Variants in GATA1 observed in about 807,000 individuals in gnomAD.
GATA1 encodes erythroid transcription factor.
GATA1 carries 2 observed loss-of-function variants against 18.9 expected under a neutral mutation model. The ratio of observed to expected loss-of-function variants is 0.11; its 90% CI spans 0.04 to 0.33. GATA1 has a LOEUF of 0.33. Ranked by LOEUF, GATA1 falls within the 10% of genes least tolerant of loss-of-function variation. GATA1 has a pLI of 1.00. For missense variants in GATA1, 272 were observed against 344.7 expected, an observed-to-expected ratio of 0.79 and a Z score of 1.67; for synonymous variants, 152 against 149.1, an observed-to-expected ratio of 1.02 and a Z score of -0.14.
In GATA1 at chrX:48,794,235, CAA is replaced by C; in HGVS notation, c.*72_*73del. On this transcript the variant is annotated 3_prime_UTR_variant, in exon 6 of 6. Transcript: ENST00000376670. ...CTTGTAGCCAGAATTCTGGACAACCCAAGTCTCTGGGCCCCAGGCACCCCCTG... is the reference window on the plus strand; with the variant it reads ...CTTGTAGCCAGAATTCTGGACAACCCGTCTCTGGGCCCCAGGCACCCCCTG... The C allele has an allele frequency of 8.7e-7, 1 of 1,151,683 alleles. No individual in the cohort carries two copies. Among genetic ancestry groups the C allele is most frequent in the Non-Finnish European group, 1.2e-6 (1 of 851,434 alleles). The allele number at this position is 1,151,683 out of a possible 1,213,427, so 94.9% of individuals were successfully genotyped here.
Position 48,792,361 on chromosome X carries a change from C to T in GATA1, c.637C>T (p.Pro213Ser). Residue 213 changes from proline (P) to serine (S), a missense_variant, in exon 4 of 6, where the codon CCA becomes TCA. Physicochemically the swap from Pro to Ser is moderately conservative, Grantham distance 74. Around this residue, in one of 3 missense-constraint regions of GATA1, gnomAD observed 42 missense variants for 103.2 expected, o/e 0.41. Coordinates refer to ENST00000376670, the MANE Select transcript of GATA1 (RefSeq NM_002049.4). Reference protein sequence around the residue: ...ECVNCGATATPLWRRDRTGHY... With the variant: ...ECVNCGATATSLWRRDRTGHY... ...TGTGAACTGCGGAGCAACAGCCACT[C>T]CACTGTGGCGGAGGGACAGGACAGG... The T allele has an allele frequency of 8.3e-7, 1 of 1,211,780 alleles. No individual in the cohort carries two copies. The highest frequency in any genetic ancestry group is 1.8e-5 in the South Asian group (1 of 57,001).
Position 48,794,153 on chromosome X carries a change from C to T in GATA1, c.1231C>T (p.Leu411Phe). ...CACCAGCACTACTGTGGTGGCTCCG[C>T]TCAGCTCATGAGGGCACAGAGCATG... ...PTTSTTVVAP[L>F]SS The change falls in exon 6 of 6, where the codon CTC becomes TTC. Residue 411 changes from leucine (L) to phenylalanine (F), a missense_variant. Physicochemically the swap from Leu to Phe is conservative, Grantham distance 22. Around this residue, in one of 3 missense-constraint regions of GATA1, gnomAD observed 83 missense variants for 84.2 expected, o/e 0.99. Coordinates refer to ENST00000376670, the MANE Select transcript of GATA1 (RefSeq NM_002049.4). 2 of 1,181,888 alleles carry T rather than the reference C, an allele frequency of 1.7e-6. No homozygotes were observed. The highest frequency in any genetic ancestry group is 2.3e-6 in the Non-Finnish European group (2 of 880,317).
At position 48,791,961 on chromosome X, in the gene GATA1, G is replaced by T. The variant is rs782208453; in HGVS notation, c.338G>T (p.Arg113Leu). The change falls in exon 3 of 6, where the codon CGC (arginine) becomes CTC (leucine). Residue 113 changes from arginine (R) to leucine (L), a missense_variant. Coordinates refer to ENST00000376670, the MANE Select transcript of GATA1 (RefSeq NM_002049.4). The stretch of plus-strand genomic sequence containing the variant: ...CCTGCCTCAACTGTGTGTCCCACCC[G>T]CGAGGACTCTCCTCCCCAGGCCGTG... ...LYPASTVCPT[R>L]EDSPPQAVED... The T allele has an allele frequency of 1.5e-5, 18 of 1,209,913 alleles. No individual in the cohort carries two copies. The East Asian group carries it at 4.1e-4, about 28-fold the overall frequency.
In GATA1 at chrX:48,792,022, G is replaced by C; in HGVS notation, c.399G>C (p.Leu133=). Residue 133 remains leucine (L), a synonymous_variant, in exon 3 of 6, where the codon CTG becomes CTC. Coordinates refer to ENST00000376670, the MANE Select transcript of GATA1 (RefSeq NM_002049.4). ...ATGGAAAAGGCAGCACCAGCTTCCT[G>C]GAGACTTTGAAGACAGAGCGGCTGA... ...DLDGKGSTSF[L]ETLKTERLSP... is the part of the protein sequence containing the mutation. 1 of 1,211,872 alleles carries C rather than the reference G, an allele frequency of 8.3e-7. No individual in the cohort carries two copies. Among genetic ancestry groups the C allele is most frequent in the Non-Finnish European group, 1.1e-6 (1 of 895,463 alleles).
At chrX:48,790,162 G>A (rs926229787) in intron 1 of GATA1, among the ~76,000 whole-genome samples, 6 of 110,469 alleles carry the variant, frequency 5.4e-5, no homozygotes, top group Non-Finnish European at 1.1e-4. Context: ...ATGTAGACAG[G>A]GGAAGAGAGG....
rs982416660 is a variant in GATA1 at position 48,794,168 on chromosome X, C to T, written c.*4C>T. 3.4e-6 allele frequency: 4 copies of T among 1,184,411 alleles called. No homozygotes were observed. In the African/African-American group the frequency reaches 7.0e-5, roughly 21 times the overall value. ...GGTGGCTCCGCTCAGCTCATGAGGG[C>T]ACAGAGCATGGCCTCCAGAGGAGGG... On this transcript the variant is annotated 3_prime_UTR_variant, in exon 6 of 6. Transcript: ENST00000376670.
rs1557020162 is a variant in GATA1 at position 48,791,860 on chromosome X, A to G, written c.237A>G (p.Pro79=). 7 of 1,211,162 alleles carry G rather than the reference A, an allele frequency of 5.8e-6. No individual in the cohort carries two copies. In the Admixed American group the frequency reaches 1.1e-4, roughly 19 times the overall value. Residue 79 remains proline (P), a synonymous_variant, in exon 3 of 6, where the codon CCA becomes CCG. Coordinates refer to ENST00000376670, the MANE Select transcript of GATA1 (RefSeq NM_002049.4). The part of the protein sequence containing the change: ...YRHSPVFQVY[P]LLNCMEGIPG... ...CCCCAACAGTCTTTCAGGTGTACCCATTGCTCAACTGTATGGAGGGGATCC... is the reference window on the plus strand; with the variant it reads ...CCCCAACAGTCTTTCAGGTGTACCCGTTGCTCAACTGTATGGAGGGGATCC...
rs2147307813 is a variant in GATA1 at position 48,794,110 on chromosome X, A to C, written c.1188A>C (p.Thr396=). The C allele has an allele frequency of 8.4e-7, 1 of 1,191,554 alleles. No individual in the cohort carries two copies. The highest frequency in any genetic ancestry group is 3.0e-5 in the East Asian group (1 of 33,637). The part of the protein sequence containing the change: ...LLGSPTGSFP[T]GPMPPTTSTT... ...GCTCACCCACGGGCTCCTTCCCCAC[A>C]GGCCCCATGCCCCCCACCACCAGCA... Residue 396 remains threonine (T), a synonymous_variant, in exon 6 of 6, where the codon ACA becomes ACC. Coordinates refer to ENST00000376670, the MANE Select transcript of GATA1 (RefSeq NM_002049.4).
At chrX:48,788,865 C>T (rs1357369944) in intron 1 of GATA1, among the ~76,000 whole-genome samples, 2 of 110,392 alleles carry the variant, frequency 1.8e-5, no homozygotes, top group African/African-American at 3.3e-5. Context: ...AGGGAACAGA[C>T]AAACAAGCAG....
intron 4 of GATA1, 127 bp from the exon 5 acceptor site, chrX:48,793,044 AC>A (rs782406197): frequency 1.5e-6 from 1 of 682,660 alleles, no homozygotes; most frequent in Non-Finnish European, 2.3e-6. Context: ...CTCAGGCATC[AC>A]CCTGTAAACA....
chrX:48,793,886 G>C lies in GATA1; in HGVS notation c.964G>C (p.Gly322Arg). Residue 322 changes from glycine to arginine, a missense_variant, in exon 6 of 6, where the codon GGA (glycine) becomes CGA (arginine). By Grantham distance (125) the Gly-to-Arg change is moderately radical. Around this residue, in one of 3 missense-constraint regions of GATA1, gnomAD observed 83 missense variants for 84.2 expected, o/e 0.99. Transcript: ENST00000376670. ...KGKKKRGSSL[G>R]GTGAAEGPAG... ...GAAAAAGAAACGGGGCTCCAGTCTG[G>C]GAGGCACAGGAGCAGCCGAAGGACC... 1 of 1,207,366 alleles carries C rather than the reference G, an allele frequency of 8.3e-7. No homozygotes were observed. The highest frequency in any genetic ancestry group is 1.1e-6 in the Non-Finnish European group (1 of 893,077).
At position 48,791,979 on chromosome X, in the gene GATA1, A is replaced by C. The variant is rs1557020193; in HGVS notation, c.356A>C (p.Gln119Pro). The change falls in exon 3 of 6, where the codon CAG (glutamine) becomes CCG (proline). Residue 119 changes from glutamine to proline, a missense_variant. By Grantham distance (76) the Gln-to-Pro change is moderately conservative. This residue lies in a region of GATA1 where 147 missense variants were observed against 157.4 expected (regional missense o/e 0.93). Coordinates refer to ENST00000376670, the MANE Select transcript of GATA1 (RefSeq NM_002049.4). ...VCPTREDSPP[Q>P]AVEDLDGKGS... ...CCCACCCGCGAGGACTCTCCTCCCC[A>C]GGCCGTGGAAGATCTGGATGGAAAA... 1 of 1,211,456 alleles carries C rather than the reference A, an allele frequency of 8.3e-7. No homozygotes were observed. The highest frequency in any genetic ancestry group is 1.8e-5 in the South Asian group (1 of 56,960).
chrX:48,791,219 G>A lies in GATA1; in HGVS notation c.110G>A (p.Gly37Glu), dbSNP rs782697197. Residue 37 changes from glycine to glutamate, a missense_variant, in exon 2 of 6, where the codon GGG (glycine) becomes GAG (glutamate). Physicochemically the swap from Gly to Glu is moderately conservative, Grantham distance 98 (BLOSUM62 -2). Transcript: ENST00000376670. ...GAATCAGGGGTTTTCTTCCCCTCTG[G>A]GCCTGAGGGCTTGGATGCAGCAGCT... ...TPESGVFFPSGPEGLDAAASS... is the reference protein window; with the variant it reads ...TPESGVFFPSEPEGLDAAASS... The A allele has an allele frequency of 8.3e-7, 1 of 1,205,547 alleles. No homozygotes were observed. The highest frequency in any genetic ancestry group is 1.8e-5 in the South Asian group (1 of 55,732).
rs1557020246 is a variant in GATA1 at position 48,792,139 on chromosome X, C to G, written c.516C>G (p.Phe172Leu). 1 of 1,211,308 alleles carries G rather than the reference C, an allele frequency of 8.3e-7. No individual in the cohort carries two copies. Among genetic ancestry groups the G allele is most frequent in the South Asian group, 1.8e-5 (1 of 56,965 alleles). The change falls in exon 3 of 6, where the codon TTC becomes TTG. Residue 172 changes from phenylalanine (F) to leucine (L), a missense_variant. By Grantham distance (22) the Phe-to-Leu change is conservative. This residue lies in a region of GATA1 where 147 missense variants were observed against 157.4 expected (regional missense o/e 0.93). Transcript: ENST00000376670. The part of the protein sequence containing the change: ...AYGGPDFSST[F>L]FSPTGSPLNS... ...GGGGCCCTGACTTTTCCAGTACCTT[C>G]TTTTCTCCCACCGGGAGCCCCCTCA...
At chrX:48,790,921 A>T (rs2062672282) in intron 1 of GATA1, among the ~76,000 whole-genome samples, 170 bp from the exon 2 acceptor site, 1 of 72,840 alleles carries the variant, frequency 1.4e-5, no homozygotes, top group African/African-American at 5.5e-5. Flanking sequence ...AAGGAGGGGA[A>T]GGAGAGGGGA....
In GATA1 at chrX:48,791,983, C is replaced by A. The variant is rs782008052; in HGVS notation, c.360C>A (p.Ala120=). The A allele has an allele frequency of 8.3e-7, 1 of 1,211,725 alleles. No individual in the cohort carries two copies. ...CPTREDSPPQ[A]VEDLDGKGST... ...CCCGCGAGGACTCTCCTCCCCAGGC[C>A]GTGGAAGATCTGGATGGAAAAGGCA... The change falls in exon 3 of 6, where the codon GCC becomes GCA. Residue 120 remains alanine, a synonymous_variant. Coordinates refer to ENST00000376670, the MANE Select transcript of GATA1 (RefSeq NM_002049.4).
Position 48,791,154 on chromosome X carries a change from C to A in GATA1, c.45C>A (p.Leu15=). ...GLGSLGTSEP[L]PQFVDPALVS... ...GGTCCCTGGGGACCTCAGAGCCCCT[C>A]CCCCAGTTTGTGGATCCTGCTCTGG... Residue 15 remains leucine, a synonymous_variant, in exon 2 of 6, where the codon CTC becomes CTA. Coordinates refer to ENST00000376670, the MANE Select transcript of GATA1 (RefSeq NM_002049.4). 1.7e-6 allele frequency: 2 copies of A among 1,209,420 alleles called. No homozygotes were observed. Among genetic ancestry groups the A allele is most frequent in the South Asian group, 3.5e-5 (2 of 56,349 alleles).
chrX:48,792,895 G>C (rs1025521242), intron 4 of GATA1, among the ~76,000 whole-genome samples: 4 of 111,826 alleles, frequency 3.6e-5, no homozygotes, highest in South Asian at 3.7e-4. Context: ...ATGCTGCTTG[G>C]GCATCAGGAT....
intron 1 of GATA1, 37 bp from the exon 2 acceptor site, chrX:48,791,053 AG>A: frequency 1.0e-6 from 1 of 958,343 alleles, no homozygotes; most frequent in Non-Finnish European, 1.5e-6. Flanking sequence ...GTGGGGGGGA[AG>A]GATTTCTGTG....
Sources: allele counts gnomAD v4.1 joint callset (sites outside exome capture counted in the v4.1 genomes callset), GRCh38; gene constraint gnomAD v4.1.1; regional missense constraint gnomAD v4.1.1; transcripts MANE v1.5; gene names NCBI Gene and HGNC (gene_info 2026-07-23, HGNC 2026-07-21).